The following ZFAT variants were observed in gnomAD, a reference collection of about 807,000 sequenced individuals.
ZFAT encodes zinc finger protein ZFAT.
In ZFAT, 64 loss-of-function variants were observed where a neutral mutation model predicts 117.7. The observed-to-expected ratio is 0.54, with a 90% confidence interval of 0.44 to 0.67. The LOEUF is 0.67. ZFAT is among the 30% of genes least tolerant of loss of function. ZFAT has a pLI of 0.00. For missense variants in ZFAT, 1,433 were observed against 1,584.5 expected (o/e 0.90, Z 1.62); for synonymous variants, 679 against 615.0 (o/e 1.10, Z -1.54).
chr8:134,512,227 G>T (rs951834679), intron 14 of ZFAT, among the ~76,000 whole-genome samples: 5 of 152,210 alleles, frequency 3.3e-5, no homozygotes, highest in African/African-American at 1.2e-4. Flanking sequence ...ATTAAATGTG[G>T]TAAGAGATGT....
intron 1 of ZFAT, among the ~76,000 whole-genome samples, chr8:134,682,493 A>T (rs1833117551): frequency 6.6e-6 from 1 of 152,216 alleles, no homozygotes; most frequent in South Asian, 2.1e-4. Context: ...GTCTCTATCA[A>T]AAATACAAAA....
chr8:134,540,274 T>G (rs1323318721), intron 11 of ZFAT, among the ~76,000 whole-genome samples: 1 of 152,182 alleles, frequency 6.6e-6, no homozygotes, highest in African/African-American at 2.4e-5. Context: ...CAGGGGAGTG[T>G]GGAGTCTGGA....
At chr8:134,565,852 G>A (rs1419200600) in intron 10 of ZFAT, among the ~76,000 whole-genome samples, 1 of 152,202 alleles carries the variant, frequency 6.6e-6, no homozygotes, top group African/African-American at 2.4e-5. Context: ...CTTCCTTCCT[G>A]GAGTGTGAGG....
intron 13 of ZFAT, among the ~76,000 whole-genome samples, chr8:134,517,287 T>A (rs546977820): frequency 6.6e-6 from 1 of 152,236 alleles, no homozygotes; most frequent in East Asian, 1.9e-4. Flanking sequence ...AAAATACTTT[T>A]ACAATATTTT....
At chr8:134,644,784 T>C (rs1396623563) in intron 2 of ZFAT, among the ~76,000 whole-genome samples, 1 of 150,694 alleles carries the variant, frequency 6.6e-6, no homozygotes, top group Non-Finnish European at 1.5e-5. Flanking sequence ...TGCCCAGATA[T>C]GCAATCACAC....
chr8:134,715,821 A>G (rs193047740), upstream of ZFAT, among the ~76,000 whole-genome samples: 1 of 152,236 alleles, frequency 6.6e-6, no homozygotes, highest in East Asian at 1.9e-4. Flanking sequence ...ACAACTGAAT[A>G]TATTCGTGTC....
intron 7 of ZFAT, among the ~76,000 whole-genome samples, chr8:134,591,946 G>A (rs536592254): frequency 1.3e-5 from 2 of 152,194 alleles, no homozygotes; most frequent in Admixed American, 1.3e-4. Flanking sequence ...GTGGCACTTT[G>A]ATTGCCAAGC....
chr8:134,604,180 T>C (rs1177185663), intron 5 of ZFAT, among the ~76,000 whole-genome samples: 1 of 152,230 alleles, frequency 6.6e-6, no homozygotes, highest in Non-Finnish European at 1.5e-5. Flanking sequence ...ATAAGCTCTA[T>C]GCTAAGTATT....
intron 15 of ZFAT, among the ~76,000 whole-genome samples, chr8:134,486,921 G>GGTGTGCATGT (rs1817694808): frequency 1.3e-5 from 2 of 152,120 alleles, no homozygotes; most frequent in Admixed American, 6.5e-5. Flanking sequence ...CAGGAACATG[G>GGTGTGCATGT]GTGTGCATGT....
At chr8:134,778,564 A>G in the ZFAT span, among the ~76,000 whole-genome samples, 1 of 152,212 alleles carries the variant, frequency 6.6e-6, no homozygotes, top group African/African-American at 2.4e-5. Flanking sequence ...CTGGCCCTGG[A>G]GGCAGAATAT....
chr8:134,726,235 G>A, the ZFAT span, among the ~76,000 whole-genome samples: 1 of 152,114 alleles, frequency 6.6e-6, no homozygotes, highest in Admixed American at 6.5e-5. Context: ...AGGGCCAAGC[G>A]GGCAACTTGA....
At chr8:134,829,569 C>G in the ZFAT span, among the ~76,000 whole-genome samples, 1 of 152,218 alleles carries the variant, frequency 6.6e-6, no homozygotes, top group Non-Finnish European at 1.5e-5. Flanking sequence ...TGATTATTCA[C>G]AAATCAAATC....
intron 3 of ZFAT, among the ~76,000 whole-genome samples, chr8:134,626,938 G>T (rs1014842963): frequency 1.3e-5 from 2 of 152,242 alleles, no homozygotes; most frequent in Non-Finnish European, 2.9e-5. Context: ...GAGGGATTGT[G>T]CATGCCATAA....
the ZFAT span, among the ~76,000 whole-genome samples, chr8:134,820,275 G>A: frequency 6.6e-6 from 1 of 152,156 alleles, no homozygotes; most frequent in South Asian, 2.1e-4. Flanking sequence ...TCAGCCTAGG[G>A]ATGAGATGGA....
At chr8:134,688,861 A>C (rs1833463905) in intron 1 of ZFAT, among the ~76,000 whole-genome samples, 1 of 152,168 alleles carries the variant, frequency 6.6e-6, no homozygotes, top group Non-Finnish European at 1.5e-5. Context: ...GGTGGGATTC[A>C]ACCCATTTGT....
chr8:134,554,409 G>A (rs1289492906), intron 11 of ZFAT, among the ~76,000 whole-genome samples: 2 of 152,218 alleles, frequency 1.3e-5, no homozygotes, highest in Non-Finnish European at 2.9e-5. Context: ...GAGGTGGATA[G>A]GTCGCTATGC....
rs938023500 is a variant in ZFAT, at chr8:134,608,641, C to T, written c.785+88G>A. On this transcript the variant is annotated intron_variant, in intron 5 of 15. Transcript: ENST00000377838. ...AACAAGTTTATAAGCAGAATCCAAA[C>T]GAACAAGCATGCTGATCCTTCCTGC... is the stretch of plus-strand genomic sequence containing the variant. 59 of 1,490,008 alleles carry T rather than the reference C, an allele frequency of 4.0e-5. No individual in the cohort carries two copies. In the Admixed American group the frequency reaches 1.0e-3, roughly 26 times the overall value. 92.3% of individuals were successfully genotyped at this position (1,490,008 alleles called of 1,614,324 possible).
At chr8:134,707,670 C>T (rs1350336411) in intron 1 of ZFAT, among the ~76,000 whole-genome samples, 2 of 152,192 alleles carry the variant, frequency 1.3e-5, no homozygotes, top group Non-Finnish European at 1.5e-5. Flanking sequence ...TCTTTTCCCC[C>T]ACTGCCCACT....
chr8:134,666,175 T>C (rs376210643), intron 1 of ZFAT, among the ~76,000 whole-genome samples: 1 of 152,116 alleles, frequency 6.6e-6, no homozygotes, highest in African/African-American at 2.4e-5. Context: ...AGAGGCCCAG[T>C]TGGGAGCCTG....
Sources: gnomAD v4.1 joint callset for allele counts (sites outside exome capture counted in the v4.1 genomes callset) on GRCh38, gnomAD v4.1.1 for gene constraint, MANE v1.5 for transcripts, NCBI Gene and HGNC (gene_info 2026-07-23, HGNC 2026-07-21) for gene names.